The following WNT3A variants were observed in gnomAD, a reference collection of about 807,000 sequenced individuals.
WNT3A encodes the protein Wnt family member 3A.
A neutral mutation model predicts 37.0 loss-of-function variants in WNT3A; 17 were observed. The ratio of observed to expected loss-of-function variants is 0.46; its 90% confidence interval spans 0.31 to 0.69. The LOEUF (loss-of-function observed/expected upper bound fraction) is 0.69, where lower values mean the gene tolerates loss of function less well. WNT3A is among the 30% of genes least tolerant of loss of function. The pLI is 0.05. For synonymous variants in WNT3A, 187 were observed against 211.0 expected (o/e 0.89, Z 0.99); for missense variants, 411 against 510.2 (o/e 0.81, Z 1.87).
chr1:228,059,899 A>G lies in WNT3A; in HGVS notation c.*434A>G. On this transcript the variant is annotated 3_prime_UTR_variant, in exon 4 of 4. Transcript: ENST00000284523. The stretch of plus-strand genomic sequence containing the variant: ...CTACCTGCAGGCGGGGCTCCTCCTG[A>G]AGGAGGCGGGGCTCTAGGATGGGGC... 9.6e-7 allele frequency: 1 copy of G among 1,041,686 alleles called. No individual in the cohort carries two copies. The highest frequency in any genetic ancestry group is 5.2e-5 in the Admixed American group (1 of 19,164). 64.5% of individuals were successfully genotyped at this position (1,041,686 alleles called of 1,614,324 possible). A position where few individuals can be genotyped will look rare whatever the true frequency, so the allele number is the denominator to read the frequency against.
rs115710711 is a variant in WNT3A at position 228,041,936 on chromosome 1, A to T, written c.314-8720A>T. ...AACTCCTTCAACTTTCAGAAAGCCT[A>T]GGTTGTTAGAAATTGTATCATATTG... On this transcript the variant is annotated intron_variant, in intron 2 of 3. Transcript: ENST00000284523. Among the ~76,000 whole-genome samples the T allele has an allele frequency of 7.2e-3, 1,090 of 152,262 alleles. 16 individuals are homozygous for T. Among genetic ancestry groups the T allele is most frequent in the African/African-American group, 0.025 (1,048 of 41,560 alleles).
chr1:228,034,267 AAC>A (rs990145500), intron 2 of WNT3A, among the ~76,000 whole-genome samples: 2 of 152,146 alleles, frequency 1.3e-5, no homozygotes, highest in African/African-American at 2.4e-5. Flanking sequence ...GTCTCAAAAA[AAC>A]ACACACACAT....
chr1:228,007,559 G>A lies in WNT3A; in HGVS notation c.71+360G>A, dbSNP rs376136943. On this transcript the variant is annotated intron_variant, in intron 1 of 3. Coordinates refer to ENST00000284523, the MANE Select transcript of WNT3A (RefSeq NM_033131.4). The surrounding 1 kb of genome is among the most constrained non-coding windows in gnomAD (Gnocchi z 6.0). ...GGCAGCTCGAGGCCAGGGGACAGGC[G>A]AGGGAAGAGGGCCAGCGAGAGAGAA... Among the ~76,000 whole-genome samples the A allele has an allele frequency of 6.6e-6, 1 of 152,168 alleles. No homozygotes were observed. Among genetic ancestry groups the A allele is most frequent in the Non-Finnish European group, 1.5e-5 (1 of 68,022 alleles).
Position 228,059,379 on chromosome 1 carries a change from G to T in WNT3A, c.973G>T (p.Glu325Ter). The T allele has an allele frequency of 6.4e-7, 1 of 1,561,682 alleles. No individual in the cohort carries two copies. Among genetic ancestry groups the T allele is most frequent in the Non-Finnish European group, 8.6e-7 (1 of 1,157,882 alleles). ...GHNARAERRR[E>*]KCRCVFHWCC... ...CAACGCGCGAGCGGAGCGGCGCCGG[G>T]AGAAGTGCCGCTGCGTGTTCCACTG... is the stretch of plus-strand genomic sequence containing the variant. The change falls in exon 4 of 4, where the codon GAG becomes TAG. Residue 325 changes from glutamate to a stop codon, truncating the protein, a stop_gained. Transcript: ENST00000284523. LOFTEE classifies it high-confidence loss of function.
chr1:228,009,817 GGCCACCT>G (rs2030318671), intron 1 of WNT3A, among the ~76,000 whole-genome samples: 1 of 152,138 alleles, frequency 6.6e-6, no homozygotes, highest in African/African-American at 2.4e-5. Flanking sequence ...GAGTGTGAAG[GGCCACCT>G]GCCTCCCCAG....
At chr1:228,021,375 A>T (rs563219392) in intron 1 of WNT3A, among the ~76,000 whole-genome samples, 1 of 152,334 alleles carries the variant, frequency 6.6e-6, no homozygotes, top group Admixed American at 6.5e-5. Context: ...TGGGACCTGG[A>T]AAACGAGGAG....
At chr1:228,018,723 T>C (rs2030603163) in intron 1 of WNT3A, among the ~76,000 whole-genome samples, 1 of 152,256 alleles carries the variant, frequency 6.6e-6, no homozygotes, top group East Asian at 1.9e-4. Context: ...ATGACCCAAC[T>C]GATCCTTCAA....
At chr1:228,055,007 G>C in intron 3 of WNT3A, among the ~76,000 whole-genome samples, 1 of 149,878 alleles carries the variant, frequency 6.7e-6, no homozygotes, top group Non-Finnish European at 1.5e-5. Context: ...GGTAGTGCAC[G>C]CCTGTAATCC....
At chr1:228,032,235 C>T (rs572740096) in intron 2 of WNT3A, among the ~76,000 whole-genome samples, 1 of 152,350 alleles carries the variant, frequency 6.6e-6, no homozygotes, top group African/African-American at 2.4e-5. Flanking sequence ...CCTCATGAGT[C>T]ACACCATTCA....
Position 228,060,376 on chromosome 1 carries a change from TC to T in WNT3A, c.*913del. The T allele has an allele frequency of 8.4e-7, 1 of 1,187,056 alleles. No individual in the cohort carries two copies. The highest frequency in any genetic ancestry group is 1.1e-6 in the Non-Finnish European group (1 of 884,408). The allele number at this position is 1,187,056 out of a possible 1,614,324, so 73.5% of individuals were successfully genotyped here. The stretch of plus-strand genomic sequence containing the variant: ...CTCCAAGCGCCTGGCTTTGGAATGC[TC>T]CAGGCGCGCCGACGCCTGTGCCACC... On this transcript the variant is annotated 3_prime_UTR_variant, in exon 4 of 4. Coordinates refer to ENST00000284523, the MANE Select transcript of WNT3A (RefSeq NM_033131.4).
Position 228,008,267 on chromosome 1 carries a change from A to G in WNT3A, c.71+1068A>G, listed in dbSNP as rs1413129423. ...GTTGGAGAGAAGCCTCCCCACAAGCATGCACACTCCCCCCCATCCTTCTCC... is the reference window on the plus strand; with the variant it reads ...GTTGGAGAGAAGCCTCCCCACAAGCGTGCACACTCCCCCCCATCCTTCTCC... On this transcript the variant is annotated intron_variant, in intron 1 of 3. Coordinates refer to ENST00000284523, the MANE Select transcript of WNT3A (RefSeq NM_033131.4). The surrounding 1 kb of genome is among the most constrained non-coding windows in gnomAD (Gnocchi z 4.9). Among the ~76,000 whole-genome samples the G allele has an allele frequency of 6.6e-6, 1 of 152,136 alleles. No homozygotes were observed. The highest frequency in any genetic ancestry group is 1.5e-5 in the Non-Finnish European group (1 of 68,014).
chr1:228,042,767 T>A lies in WNT3A; in HGVS notation c.314-7889T>A, dbSNP rs935781979. ...GGATGATGAATGGATGAATGGTGGA[T>A]GATGGATGATAGATGGATGATGGAT... On this transcript the variant is annotated intron_variant, in intron 2 of 3. Transcript: ENST00000284523. The surrounding 1 kb of genome is among the most constrained non-coding windows in gnomAD (Gnocchi z 5.2). 6.6e-6 allele frequency among the ~76,000 whole-genome samples: 1 copy of A among 151,268 alleles called. No homozygotes were observed. The highest frequency in any genetic ancestry group is 2.4e-5 in the African/African-American group (1 of 41,090).
intron 1 of WNT3A, among the ~76,000 whole-genome samples, chr1:228,017,583 C>T (rs553533297): frequency 6.6e-6 from 1 of 152,314 alleles, no homozygotes; most frequent in Non-Finnish European, 1.5e-5. Context: ...CATCATGGCA[C>T]AGGCCTGTGG....
intron 2 of WNT3A, among the ~76,000 whole-genome samples, chr1:228,044,655 C>T (rs535649439): frequency 6.6e-6 from 1 of 152,358 alleles, no homozygotes; most frequent in Admixed American, 6.5e-5. Flanking sequence ...CCATTTCAGG[C>T]AAGGTTAACT....
chr1:228,019,287 G>C (rs1194918816), intron 1 of WNT3A, among the ~76,000 whole-genome samples: 2 of 152,206 alleles, frequency 1.3e-5, no homozygotes, highest in Admixed American at 1.3e-4. Flanking sequence ...TGTTCTGGGG[G>C]TGGGCAGAGT....
intron 2 of WNT3A, among the ~76,000 whole-genome samples, chr1:228,026,992 G>A (rs900027425): frequency 6.6e-6 from 1 of 152,268 alleles, no homozygotes; most frequent in Admixed American, 6.5e-5. Flanking sequence ...ACAGGCACCA[G>A]CCACCAAGCC....
rs1281629013 is a variant in WNT3A at position 228,039,178 on chromosome 1, A to G, written c.314-11478A>G. On this transcript the variant is annotated intron_variant, in intron 2 of 3. Transcript: ENST00000284523. This position sits in a 1 kb window ranked among gnomAD's most constrained non-coding sequence, Gnocchi z 4.1. ...GCTGGGGACAGCATTGGAGGGCCCC[A>G]GGAGGCATGGCCAGGTGAGCATGGG... 6.6e-6 allele frequency among the ~76,000 whole-genome samples: 1 copy of G among 152,178 alleles called. No individual in the cohort carries two copies. Among genetic ancestry groups the G allele is most frequent in the Non-Finnish European group, 1.5e-5 (1 of 68,028 alleles).
At position 228,059,847 on chromosome 1, in the gene WNT3A, TG is replaced by T. The variant is rs1300806023; in HGVS notation, c.*385del. 1.9e-6 allele frequency: 2 copies of T among 1,048,984 alleles called. No homozygotes were observed. The highest frequency in any genetic ancestry group is 3.5e-5 in the African/African-American group (2 of 56,856). 65.0% of individuals were successfully genotyped at this position (1,048,984 alleles called of 1,614,324 possible). On this transcript the variant is annotated 3_prime_UTR_variant, in exon 4 of 4. Coordinates refer to ENST00000284523, the MANE Select transcript of WNT3A (RefSeq NM_033131.4). ...GCCCCTCCCAGTAAGGGCGTGGCTC[TG>T]GGTGGGCGGGGCACTAGGTAGGCTT...
chr1:228,030,377 C>T (rs570264605), intron 2 of WNT3A, among the ~76,000 whole-genome samples: 14 of 145,098 alleles, frequency 9.6e-5, no homozygotes, highest in Non-Finnish European at 1.5e-4. Flanking sequence ...GCCTGGGCAA[C>T]AGAGTGAGAC....
Sources: gnomAD v4.1 joint callset for allele counts (sites outside exome capture counted in the v4.1 genomes callset) on GRCh38, gnomAD v4.1.1 for gene constraint, Gnocchi (gnomAD v3.1) non-coding constraint, MANE v1.5 for transcripts, NCBI Gene and HGNC (gene_info 2026-07-23, HGNC 2026-07-21) for gene names.